The following ANKFN1 variants were observed in gnomAD, a reference collection of about 807,000 sequenced individuals.
The protein encoded by ANKFN1 is ankyrin repeat and fibronectin type III domain containing 1.
Under a neutral mutation model 108.7 loss-of-function variants are expected in ANKFN1, and 74 were observed. The observed-to-expected ratio is 0.68, with a 90% CI of 0.56 to 0.83. The LOEUF (loss-of-function observed/expected upper bound fraction) is 0.83. Ranked by LOEUF, ANKFN1 falls within the 40% of genes least tolerant of loss-of-function variation. The probability of loss-of-function intolerance (pLI) is 0.00; values close to 1 mark genes in which losing one functional copy is unlikely to be tolerated. For missense variants in ANKFN1, 1,505 were observed against 1,382.3 expected, an observed-to-expected ratio of 1.09 and a Z score of -1.41; for synonymous variants, 547 against 516.2, an observed-to-expected ratio of 1.06 and a Z score of -0.81.
intron 4 of ANKFN1, among the ~76,000 whole-genome samples, chr17:56,340,239 CT>C (rs2045925920): frequency 6.6e-6 from 1 of 152,090 alleles, no homozygotes; most frequent in African/African-American, 2.4e-5. Context: ...AAAAATTTCT[CT>C]TTTTCTGTAA....
intron 5 of ANKFN1, 150 bp downstream of exon 5, chr17:56,351,117 T>G: frequency 4.2e-6 from 3 of 718,894 alleles, no homozygotes; most frequent in Non-Finnish European, 6.7e-6. Context: ...GTAGTAACTG[T>G]ACATATTTAT....
intron 3 of ANKFN1, among the ~76,000 whole-genome samples, chr17:56,318,964 C>G (rs1486063319): frequency 6.6e-6 from 1 of 152,000 alleles, no homozygotes; most frequent in Non-Finnish European, 1.5e-5. Context: ...CTAAATTCTC[C>G]TAAGTGGACT....
chr17:56,075,581 C>T (rs1905172275), intron 4 of ANKFN1, among the ~76,000 whole-genome samples: 1 of 151,960 alleles, frequency 6.6e-6, no homozygotes. Flanking sequence ...CCTTTGCAGT[C>T]AGAAGGTAGA....
At chr17:56,209,698 G>A (rs909059416) in intron 1 of ANKFN1, among the ~76,000 whole-genome samples, 5 of 152,052 alleles carry the variant, frequency 3.3e-5, no homozygotes, top group African/African-American at 9.7e-5. Context: ...AGGCTTTTGG[G>A]GAACAGGTGG....
intron 3 of ANKFN1, among the ~76,000 whole-genome samples, chr17:56,260,081 T>C (rs2144115366): frequency 6.6e-6 from 1 of 152,336 alleles, no homozygotes. Flanking sequence ...CAAAAATAGA[T>C]TTATCTAAAC....
In ANKFN1 at chr17:56,350,841, A is replaced by T; in HGVS notation, c.264A>T (p.Ser88=). The part of the protein sequence containing the change: ...LCQSKKHSAP[S]SPNAAKRLYR... ...AGTCAAAAAAACATAGTGCTCCCTC[A>T]TCTCCCAACGCAGCCAAACGCCTGT... Residue 88 remains serine, a synonymous_variant, in exon 5 of 21, where the codon TCA becomes TCT. Transcript: ENST00000682825. 2 of 1,613,856 alleles carry T rather than the reference A, an allele frequency of 1.2e-6. No individual in the cohort carries two copies. Among genetic ancestry groups the T allele is most frequent in the Non-Finnish European group, 1.7e-6 (2 of 1,179,868 alleles).
intron 19 of ANKFN1, among the ~76,000 whole-genome samples, chr17:56,497,285 G>A (rs995834722): frequency 6.6e-6 from 1 of 152,128 alleles, no homozygotes; most frequent in Non-Finnish European, 1.5e-5. Flanking sequence ...TCATGGGCCT[G>A]CCTACTGCTG....
At chr17:56,292,827 G>A (rs1172350956) in intron 3 of ANKFN1, among the ~76,000 whole-genome samples, 1 of 152,122 alleles carries the variant, frequency 6.6e-6, no homozygotes, top group African/African-American at 2.4e-5. Context: ...TCAACAATAG[G>A]AAAAAGTTTC....
rs1915030743 is a variant in ANKFN1, at chr17:56,211,746, G to A, written c.-70-852G>A. Among the ~76,000 whole-genome samples the A allele has an allele frequency of 2.0e-5, 3 of 152,164 alleles. No homozygotes were observed. In the South Asian group the frequency reaches 6.2e-4, roughly 32 times the overall value. On this transcript the variant is annotated intron_variant, in intron 1 of 20. Transcript: ENST00000682825. Reference sequence around the variant, plus strand: ...TTCTACCAATCCATGAGCATGTGATGTGTTTCCATTTGTGTCATCCATGAT... The same window carrying A: ...TTCTACCAATCCATGAGCATGTGATATGTTTCCATTTGTGTCATCCATGAT...
At chr17:56,476,131 T>C (rs1191616024) in intron 15 of ANKFN1, among the ~76,000 whole-genome samples, 1 of 152,156 alleles carries the variant, frequency 6.6e-6, no homozygotes, top group African/African-American at 2.4e-5. Context: ...TCCACACCCA[T>C]GACCCAGTTA....
intron 4 of ANKFN1, among the ~76,000 whole-genome samples, chr17:56,106,581 A>G (rs2143236509): frequency 6.6e-6 from 1 of 152,306 alleles, no homozygotes; most frequent in Non-Finnish European, 1.5e-5. Context: ...GCTTGGATAG[A>G]GGGTTGGAAT....
chr17:56,407,211 A>C (rs534864299), intron 8 of ANKFN1, among the ~76,000 whole-genome samples: 15 of 152,336 alleles, frequency 9.8e-5, no homozygotes, highest in African/African-American at 3.6e-4. Context: ...ACAGTCTACC[A>C]TACAGAGCAT....
chr17:56,336,223 G>T (rs1421567066), intron 4 of ANKFN1, among the ~76,000 whole-genome samples: 1 of 152,068 alleles, frequency 6.6e-6, no homozygotes, highest in East Asian at 1.9e-4. Context: ...GATGATGCTG[G>T]CTTCATCATA....
rs577003684 is a variant in ANKFN1 at position 56,457,456 on chromosome 17, A to G, written c.1440+67A>G. 18 of 1,479,076 alleles carry G rather than the reference A, an allele frequency of 1.2e-5. No homozygotes were observed. The East Asian group carries it at 4.2e-4, about 34-fold the overall frequency. 91.6% of individuals were successfully genotyped at this position (1,479,076 alleles called of 1,614,324 possible). On this transcript the variant is annotated intron_variant, in intron 13 of 20. Transcript: ENST00000682825. Reference sequence around the variant, plus strand: ...ATGTTACTGCACAAAAATCTCTGAAACATTAGTTGAGGGGTCTCCAGCGAT... The same window carrying G: ...ATGTTACTGCACAAAAATCTCTGAAGCATTAGTTGAGGGGTCTCCAGCGAT...
At chr17:56,330,173 T>G (rs760295312) in intron 4 of ANKFN1, among the ~76,000 whole-genome samples, 1 of 152,178 alleles carries the variant, frequency 6.6e-6, no homozygotes, top group Non-Finnish European at 1.5e-5. Flanking sequence ...AAGGAAAGAC[T>G]GGGTAATATA....
intron 4 of ANKFN1, among the ~76,000 whole-genome samples, chr17:56,125,525 A>G (rs1906871239): frequency 6.6e-6 from 1 of 152,206 alleles, no homozygotes; most frequent in Non-Finnish European, 1.5e-5. Context: ...AATGATAACT[A>G]AAAGGTATTG....
chr17:56,292,028 T>A (rs1022220721), intron 3 of ANKFN1, among the ~76,000 whole-genome samples: 4 of 152,202 alleles, frequency 2.6e-5, no homozygotes, highest in African/African-American at 9.6e-5. Flanking sequence ...TATTTTGTTC[T>A]TCATTTTAGT....
At chr17:56,236,929 AT>A (rs1280920766) in intron 3 of ANKFN1, among the ~76,000 whole-genome samples, 3 of 152,224 alleles carry the variant, frequency 2.0e-5, no homozygotes, top group Non-Finnish European at 4.4e-5. Context: ...GGCTCTTACT[AT>A]TTTGAGCTAT....
intron 8 of ANKFN1, among the ~76,000 whole-genome samples, chr17:56,413,721 A>G (rs1181493155): frequency 7.3e-5 from 11 of 151,550 alleles, no homozygotes; most frequent in Admixed American, 7.2e-4. Context: ...GTGAAGAATC[A>G]CTTTTTTTTT....
Sources: allele counts gnomAD v4.1 joint callset (sites outside exome capture counted in the v4.1 genomes callset), GRCh38; gene constraint gnomAD v4.1.1; transcripts MANE v1.5; gene names NCBI Gene and HGNC (gene_info 2026-07-23, HGNC 2026-07-21).